TRPM8: variants seen among roughly 807,000 people sequenced by gnomAD.
TRPM8 encodes TRPM8 cationic channel.
TRPM8 carries 110 observed loss-of-function variants against 133.7 expected under a neutral mutation model. The ratio of observed to expected loss-of-function variants is 0.82; its 90% CI spans 0.70 to 0.96. TRPM8 has a LOEUF of 0.96. Among genes scored for constraint, TRPM8 ranks in the 40% least tolerant of loss-of-function variants. The pLI is 0.00. For missense variants in TRPM8, 1,291 were observed against 1,379.5 expected, an observed-to-expected ratio of 0.94 and a Z score of 1.02; for synonymous variants, 535 against 532.3, an observed-to-expected ratio of 1.01 and a Z score of -0.07.
At chr2:233,951,286 G>A (rs1041323340) in intron 9 of TRPM8, among the ~76,000 whole-genome samples, 4 of 152,124 alleles carry the variant, frequency 2.6e-5, no homozygotes, top group East Asian at 1.9e-4. Flanking sequence ...CTTTTCCAAC[G>A]TATACATATC....
chr2:233,983,014 G>A lies in TRPM8; in HGVS notation c.2590-39G>A, dbSNP rs201555464. 3 of 1,587,250 alleles carry A rather than the reference G, an allele frequency of 1.9e-6. No homozygotes were observed. In the East Asian group the frequency reaches 6.8e-5, roughly 36 times the overall value. On this transcript the variant is annotated intron_variant, in intron 19 of 25. Coordinates refer to ENST00000324695, the MANE Select transcript of TRPM8 (RefSeq NM_024080.5). ...GGCCGGGGGGACTTGCCAACTGTGG[G>A]CACGGTCCTGACTCCGCTCTCCTGT...
At chr2:233,927,882 C>CTTTCTT (rs1691587037) in intron 2 of TRPM8, among the ~76,000 whole-genome samples, 1 of 67,908 alleles carries the variant, frequency 1.5e-5, no homozygotes, top group Non-Finnish European at 2.4e-5. Context: ...TTCTTTCTTT[C>CTTTCTT]TTTCTTTCTT....
chr2:233,988,277 G>C lies in TRPM8; in HGVS notation c.2939+2412G>C, dbSNP rs138222628. Among the ~76,000 whole-genome samples the C allele has an allele frequency of 2.2e-3, 339 of 151,970 alleles. 2 individuals carry two copies. Among genetic ancestry groups the C allele is most frequent in the Non-Finnish European group, 3.5e-3 (237 of 67,980 alleles). On this transcript the variant is annotated intron_variant, in intron 21 of 25. Transcript: ENST00000324695. ...CATCCCGAACTTCTCTTCCTGCCCA[G>C]TTTCTGCTTGCCCTTTACAGAGCCA...
At chr2:233,971,274 A>G (rs187834612) in intron 17 of TRPM8, among the ~76,000 whole-genome samples, 32 of 152,320 alleles carry the variant, frequency 2.1e-4, no homozygotes, top group African/African-American at 6.0e-4. Flanking sequence ...TTGCCCTTAC[A>G]GAGTCACTGA....
At chr2:233,951,613 G>A (rs1391816736) in intron 9 of TRPM8, among the ~76,000 whole-genome samples, 3 of 152,074 alleles carry the variant, frequency 2.0e-5, no homozygotes, top group African/African-American at 7.2e-5. Flanking sequence ...TCTGAAATAG[G>A]CTAAAAGGCA....
chr2:233,969,566 G>C, intron 15 of TRPM8, 129 bp from the exon 16 acceptor site: 1 of 654,490 alleles, frequency 1.5e-6, no homozygotes, highest in Non-Finnish European at 2.8e-6. Flanking sequence ...TGGTATAAAA[G>C]AATAATGACA....
intron 21 of TRPM8, among the ~76,000 whole-genome samples, chr2:233,993,161 G>A (rs1226013104): frequency 6.6e-6 from 1 of 152,180 alleles, no homozygotes; most frequent in Non-Finnish European, 1.5e-5. Flanking sequence ...GGGTATTAAT[G>A]TCCAGTTATC....
At chr2:233,966,862 T>C in intron 15 of TRPM8, 107 bp downstream of exon 15, 1 of 1,356,700 alleles carries the variant, frequency 7.4e-7, no homozygotes, top group East Asian at 2.6e-5. Flanking sequence ...TTCTCCAATA[T>C]AAAAGCCATA....
At chr2:233,983,287 C>T (rs748521789) in intron 20 of TRPM8, 63 bp downstream of exon 20, 5 of 1,594,486 alleles carry the variant, frequency 3.1e-6, no homozygotes, top group African/African-American at 2.7e-5. Flanking sequence ...TGAACCAACC[C>T]CCAGGGCTGC....
chr2:233,974,843 G>A (rs1436074478), intron 17 of TRPM8, among the ~76,000 whole-genome samples: 1 of 152,066 alleles, frequency 6.6e-6, no homozygotes, highest in Non-Finnish European at 1.5e-5. Context: ...AGCCTGGTGG[G>A]GAAATGAGTC....
intron 20 of TRPM8, 69 bp downstream of exon 20, chr2:233,983,293 GC>G (rs1208868371): frequency 6.3e-7 from 1 of 1,594,190 alleles, no homozygotes; most frequent in Non-Finnish European, 8.6e-7. Context: ...AACCCCCAGG[GC>G]TGCCCCGGAG....
chr2:233,988,274 C>T, intron 21 of TRPM8, among the ~76,000 whole-genome samples: 1 of 151,930 alleles, frequency 6.6e-6, no homozygotes, highest in African/African-American at 2.4e-5. Flanking sequence ...CTCTTCCTGC[C>T]CAGTTTCTGC....
intron 21 of TRPM8, among the ~76,000 whole-genome samples, chr2:233,990,360 G>A (rs1692244792): frequency 6.6e-6 from 1 of 152,210 alleles, no homozygotes; most frequent in South Asian, 2.1e-4. Context: ...CACTCTAGCA[G>A]CCGGTCAGAA....
At chr2:234,001,345 A>G (rs991308690) in intron 22 of TRPM8, among the ~76,000 whole-genome samples, 3 of 152,176 alleles carry the variant, frequency 2.0e-5, no homozygotes, top group Non-Finnish European at 4.4e-5. Context: ...CCGTGGTGCC[A>G]TATTTTGAGG....
chr2:233,943,107 T>G (rs1362492811), intron 6 of TRPM8: 1 of 354,048 alleles, frequency 2.8e-6, no homozygotes. Flanking sequence ...AGGATGGCTA[T>G]GTTTTTTTTT....
In TRPM8 at chr2:233,949,931, T is replaced by C; in HGVS notation, c.943-18T>C. 6.2e-7 allele frequency: 1 copy of C among 1,613,372 alleles called. No individual in the cohort carries two copies. Among genetic ancestry groups the C allele is most frequent in the Non-Finnish European group, 8.5e-7 (1 of 1,179,692 alleles). On this transcript the variant is annotated intron_variant, in intron 8 of 25. Transcript: ENST00000324695. ...GACCAAGGTCTCTGATCTGTCTGAC[T>C]CTGTCTCCTTCCTCCAGGCCATCAA...
rs377330594 is a variant in TRPM8, at chr2:233,926,666, G to A, written c.117+12G>A. ...CTTACAGTGAAAGCGTAAGTCATGCGCATCACCTGTTTGAAAGGTTATCAT... is the reference window on the plus strand; with the variant it reads ...CTTACAGTGAAAGCGTAAGTCATGCACATCACCTGTTTGAAAGGTTATCAT... On this transcript the variant is annotated intron_variant, in intron 2 of 25. Coordinates refer to ENST00000324695, the MANE Select transcript of TRPM8 (RefSeq NM_024080.5). 30 of 1,589,730 alleles carry A rather than the reference G, an allele frequency of 1.9e-5. No homozygotes were observed. The highest frequency in any genetic ancestry group is 8.3e-5 in the Admixed American group (5 of 59,926).
At chr2:233,923,797 C>T (rs1030521053) in intron 1 of TRPM8, among the ~76,000 whole-genome samples, 1 of 152,006 alleles carries the variant, frequency 6.6e-6, no homozygotes, top group Admixed American at 6.5e-5. Flanking sequence ...AACAATAAAA[C>T]AACAACAACA....
At chr2:233,918,989 T>A (rs544286615) in intron 1 of TRPM8, among the ~76,000 whole-genome samples, 1 of 152,058 alleles carries the variant, frequency 6.6e-6, no homozygotes, top group Non-Finnish European at 1.5e-5. Flanking sequence ...ATGAACAAGT[T>A]TTTCCTCTCT....
Sources: allele counts gnomAD v4.1 joint callset (sites outside exome capture counted in the v4.1 genomes callset), GRCh38; gene constraint gnomAD v4.1.1; transcripts MANE v1.5; gene names NCBI Gene and HGNC (gene_info 2026-07-23, HGNC 2026-07-21).